Variants in EPC2 observed in about 807,000 individuals in gnomAD.
The protein encoded by EPC2 is enhancer of polycomb homolog 2.
Under a neutral mutation model 92.1 loss-of-function variants are expected in EPC2, and 14 were observed. That is an observed-to-expected ratio of 0.15 (90% CI 0.10 to 0.24). The LOEUF (loss-of-function observed/expected upper bound fraction) is 0.24, where lower values mean the gene tolerates loss of function less well. Among genes scored for constraint, EPC2 ranks in the 10% least tolerant of loss-of-function variants. The pLI is 1.00. For missense variants in EPC2, 755 were observed against 971.5 expected, an observed-to-expected ratio of 0.78 and a Z score of 2.96; for synonymous variants, 340 against 334.7, an observed-to-expected ratio of 1.02 and a Z score of -0.17.
intron 7 of EPC2, among the ~76,000 whole-genome samples, chr2:148,768,584 C>T (rs560561914): frequency 3.3e-5 from 5 of 152,266 alleles, no homozygotes; most frequent in African/African-American, 9.6e-5. Context: ...TTCTTTTCTA[C>T]TTCTGATCTG....
At chr2:148,691,775 T>A in intron 2 of EPC2, 2 of 746,732 alleles carry the variant, frequency 2.7e-6, no homozygotes, top group Non-Finnish European at 4.8e-6. Flanking sequence ...CCTTTCTACC[T>A]AAGGGCAAGT....
chr2:148,746,828 C>T (rs1238432379), intron 3 of EPC2, among the ~76,000 whole-genome samples: 2 of 151,960 alleles, frequency 1.3e-5, no homozygotes, highest in African/African-American at 4.8e-5. Flanking sequence ...TGTATACACA[C>T]ACACACACAA....
intron 1 of EPC2, among the ~76,000 whole-genome samples, chr2:148,686,475 T>C (rs1681527198): frequency 6.6e-6 from 1 of 152,248 alleles, no homozygotes; most frequent in South Asian, 2.1e-4. Flanking sequence ...TGTGGGCATT[T>C]TGACCTCTTT....
chr2:148,743,063 C>G (rs1682910237), intron 2 of EPC2, among the ~76,000 whole-genome samples: 1 of 152,098 alleles, frequency 6.6e-6, no homozygotes. Context: ...ACATTCCCAC[C>G]CTGTATGTTC....
At chr2:148,742,688 G>A (rs1682899989) in intron 2 of EPC2, among the ~76,000 whole-genome samples, 2 of 151,456 alleles carry the variant, frequency 1.3e-5, no homozygotes, top group Non-Finnish European at 2.9e-5. Flanking sequence ...AGACTGAGGT[G>A]GGAGAATTGC....
chr2:148,657,490 C>T (rs1344570863), intron 1 of EPC2, among the ~76,000 whole-genome samples: 2 of 152,058 alleles, frequency 1.3e-5, no homozygotes, highest in East Asian at 1.9e-4. Flanking sequence ...TCTTATTCCT[C>T]TTAGTGTCTG....
chr2:148,782,902 C>T (rs1397763353), intron 11 of EPC2, among the ~76,000 whole-genome samples: 2 of 152,162 alleles, frequency 1.3e-5, no homozygotes, highest in East Asian at 1.9e-4. Flanking sequence ...GAGGTTTACT[C>T]AATTTTGGTT....
At position 148,761,925 on chromosome 2, in the gene EPC2, GA is replaced by G; in HGVS notation, c.814del (p.Arg272AspfsTer15). The G allele has an allele frequency of 6.3e-7, 1 of 1,584,006 alleles. No individual in the cohort carries two copies. The highest frequency in any genetic ancestry group is 8.5e-7 in the Non-Finnish European group (1 of 1,170,476). ...LLHLTLEVVE[K>X]RYHLGDYGGE... is the part of the protein sequence containing the mutation. The stretch of plus-strand genomic sequence containing the variant: ...TGCACTTAACCTTAGAAGTTGTGGA[GA>G]AAAGGTAACATTGCTCCTGTTACAA... On this transcript the variant is annotated frameshift_variant, in exon 5 of 14. Transcript: ENST00000258484. LOFTEE classifies it high-confidence loss of function.
intron 2 of EPC2, among the ~76,000 whole-genome samples, chr2:148,731,090 C>T (rs1682618999): frequency 6.6e-6 from 1 of 152,108 alleles, no homozygotes; most frequent in Admixed American, 6.5e-5. Context: ...TTCTCTTTGC[C>T]ATTTAGTATT....
intron 4 of EPC2, 93 bp from the exon 5 acceptor site, chr2:148,761,689 G>T: frequency 1.2e-6 from 1 of 832,590 alleles, no homozygotes; most frequent in Non-Finnish European, 1.7e-6. Context: ...TACTTTTATA[G>T]GATAAATTCA....
intron 2 of EPC2, among the ~76,000 whole-genome samples, chr2:148,723,362 G>A (rs1486927254): frequency 6.6e-6 from 1 of 152,200 alleles, no homozygotes; most frequent in Non-Finnish European, 1.5e-5. Flanking sequence ...TCACAAAGGT[G>A]TAAGGGCTTC....
intron 2 of EPC2, among the ~76,000 whole-genome samples, chr2:148,739,769 A>G (rs944064161): frequency 6.8e-6 from 1 of 146,874 alleles, no homozygotes. Flanking sequence ...TTCTAATAGT[A>G]GTCATGCACC....
chr2:148,713,766 C>G (rs1400806882), intron 2 of EPC2, among the ~76,000 whole-genome samples: 1 of 152,180 alleles, frequency 6.6e-6, no homozygotes, highest in African/African-American at 2.4e-5. Context: ...CTAGCATGCT[C>G]TACAGGTTTG....
At chr2:148,769,002 A>G in intron 7 of EPC2, 149 bp from the exon 8 acceptor site, 1 of 592,904 alleles carries the variant, frequency 1.7e-6, no homozygotes, top group Non-Finnish European at 3.0e-6. Context: ...AATTTTTGCT[A>G]GTCATTGAAT....
chr2:148,775,775 C>CTTTTTTTTTTT (rs70995334), intron 10 of EPC2, among the ~76,000 whole-genome samples: 16 of 92,302 alleles, frequency 1.7e-4, no homozygotes, highest in South Asian at 3.9e-4. Context: ...AATTTCTTTT[C>CTTTTTTTTTTT]TTTTTTTTTT....
At chr2:148,714,370 A>G (rs1018945369) in intron 2 of EPC2, among the ~76,000 whole-genome samples, 4 of 152,076 alleles carry the variant, frequency 2.6e-5, no homozygotes, top group Non-Finnish European at 5.9e-5. Flanking sequence ...TGCTGCAGTG[A>G]ACATGCATTC....
At position 148,775,658 on chromosome 2, in the gene EPC2, A is replaced by AAATTAAATAAAATTTAATTTAATTT. The variant is rs1553451003; in HGVS notation, c.1720+4285_1720+4286insTAATTTAATTTAATTAAATAAAATT. 1.4e-4 allele frequency among the ~76,000 whole-genome samples: 19 copies of AAATTAAATAAAATTTAATTTAATTT among 138,584 alleles called. No homozygotes were observed. The South Asian group carries it at 2.9e-3, about 21-fold the overall frequency. The allele number at this position is 138,584 out of a possible 152,430, so 90.9% of individuals were successfully genotyped here. On this transcript the variant is annotated intron_variant, in intron 10 of 13. Coordinates refer to ENST00000258484, the MANE Select transcript of EPC2 (RefSeq NM_015630.4). ...TTTAATTAAATAAAATCTTTAAATA[A>AAATTAAATAAAATTTAATTTAATTT]AATTAAATAAAATTAAATTTAATTT...
chr2:148,662,837 A>C (rs1383003573), intron 1 of EPC2, among the ~76,000 whole-genome samples: 1 of 151,932 alleles, frequency 6.6e-6, no homozygotes, highest in East Asian at 1.9e-4. Context: ...ATTTTTTTAA[A>C]AACTCTTTAG....
intron 2 of EPC2, among the ~76,000 whole-genome samples, chr2:148,701,731 A>T (rs143769643): frequency 1.3e-5 from 2 of 152,194 alleles, no homozygotes; most frequent in Admixed American, 6.5e-5. Context: ...GATTGGGGTG[A>T]TGCTGACCTC....
Sources: allele counts gnomAD v4.1 joint callset (sites outside exome capture counted in the v4.1 genomes callset), GRCh38; gene constraint gnomAD v4.1.1; transcripts MANE v1.5; gene names NCBI Gene and HGNC (gene_info 2026-07-23, HGNC 2026-07-21).